The following PDE10A variants were observed in gnomAD, a reference collection of about 807,000 sequenced individuals.
PDE10A encodes the protein cAMP and cAMP-inhibited cGMP 3',5'-cyclic phosphodiesterase 10A.
A neutral mutation model predicts 97.7 loss-of-function variants in PDE10A; 39 were observed. The observed-to-expected ratio is 0.40, with a 90% confidence interval of 0.31 to 0.52. The LOEUF (loss-of-function observed/expected upper bound fraction) is 0.52, where lower values mean the gene tolerates loss of function less well. Among genes scored for constraint, PDE10A ranks in the 20% least tolerant of loss-of-function variants. The probability of loss-of-function intolerance (pLI) is 0.56; values close to 1 mark genes in which losing one functional copy is unlikely to be tolerated. For missense variants in PDE10A, 731 were observed against 1,047.8 expected (o/e 0.70, Z 4.17); for synonymous variants, 371 against 376.8 (o/e 0.98, Z 0.18).
At chr6:165,493,382 A>T (rs1230695948) in intron 2 of PDE10A, among the ~76,000 whole-genome samples, 1 of 152,134 alleles carries the variant, frequency 6.6e-6, no homozygotes, top group African/African-American at 2.4e-5. Context: ...TAGCCAAAGA[A>T]AGGCTAAGCA....
chr6:165,958,694 G>GAGAA (rs5881669), intron 1 of PDE10A, among the ~76,000 whole-genome samples: 27,276 of 77,734 alleles, frequency 0.35, 2,013 homozygotes, highest in East Asian at 0.39. Flanking sequence ...AAGAAAGAAA[G>GAGAA]AGAAAGAAAG....
chr6:165,652,763 T>C (rs943681577), intron 1 of PDE10A, among the ~76,000 whole-genome samples: 3 of 152,224 alleles, frequency 2.0e-5, no homozygotes, highest in African/African-American at 7.2e-5. Flanking sequence ...TACGCTTGTA[T>C]TTTTGTAAAT....
intron 1 of PDE10A, among the ~76,000 whole-genome samples, chr6:165,877,042 T>C (rs947717712): frequency 6.6e-6 from 1 of 152,210 alleles, no homozygotes; most frequent in East Asian, 1.9e-4. Flanking sequence ...TAACCTGGAT[T>C]CTGTAGCAAG....
At chr6:165,825,541 G>A (rs1033066731) in intron 1 of PDE10A, among the ~76,000 whole-genome samples, 5 of 152,168 alleles carry the variant, frequency 3.3e-5, no homozygotes, top group African/African-American at 1.2e-4. Context: ...CCCTTGTGCT[G>A]AGTCTACAAA....
intron 1 of PDE10A, among the ~76,000 whole-genome samples, chr6:165,778,514 C>A (rs770472958): frequency 6.6e-5 from 10 of 152,182 alleles, no homozygotes; most frequent in Non-Finnish European, 1.3e-4. Context: ...CTCTGGACTT[C>A]CCCGAGCACA....
intron 1 of PDE10A, among the ~76,000 whole-genome samples, chr6:165,761,415 T>C (rs1480027338): frequency 6.6e-6 from 1 of 151,924 alleles, no homozygotes; most frequent in Non-Finnish European, 1.5e-5. Context: ...CTTTCTTTCC[T>C]TCCTGAACAT....
At chr6:165,364,940 G>A (rs184403321) in intron 18 of PDE10A, among the ~76,000 whole-genome samples, 2 of 152,042 alleles carry the variant, frequency 1.3e-5, no homozygotes, top group East Asian at 3.9e-4. Flanking sequence ...AAACTTGCAA[G>A]GTATAGTTCA....
chr6:165,965,540 T>G (rs1295275519), intron 1 of PDE10A, among the ~76,000 whole-genome samples: 1 of 152,168 alleles, frequency 6.6e-6, no homozygotes, highest in Non-Finnish European at 1.5e-5. Context: ...TTCCTGGGAT[T>G]TGATACCCTA....
At chr6:165,349,335 G>T (rs1375917053) in intron 18 of PDE10A, among the ~76,000 whole-genome samples, 1 of 152,176 alleles carries the variant, frequency 6.6e-6, no homozygotes, top group African/African-American at 2.4e-5. Context: ...TGTAGATGAG[G>T]AACTTGTTGG....
Position 165,343,384 on chromosome 6 carries a change from G to C in PDE10A, c.2895+7C>G. Reference sequence around the variant, plus strand: ...TATCTATGTCAATATAAGAATCAAGGACATACCTCAGCCCAGAATTCTGCA... The same window carrying C: ...TATCTATGTCAATATAAGAATCAAGCACATACCTCAGCCCAGAATTCTGCA... On this transcript the variant is annotated splice_region_variant and intron_variant, in intron 19 of 21. Coordinates refer to ENST00000539869, the MANE Select transcript of PDE10A (RefSeq NM_001385079.1). 5 of 1,574,204 alleles carry C rather than the reference G, an allele frequency of 3.2e-6. No homozygotes were observed. The highest frequency in any genetic ancestry group is 4.4e-6 in the Non-Finnish European group (5 of 1,143,842).
intron 1 of PDE10A, among the ~76,000 whole-genome samples, chr6:165,772,917 C>T (rs1778054865): frequency 6.6e-6 from 1 of 152,214 alleles, no homozygotes; most frequent in Non-Finnish European, 1.5e-5. Flanking sequence ...TCGTAGAAAT[C>T]AGTTACCAGT....
intron 1 of PDE10A, among the ~76,000 whole-genome samples, chr6:165,883,463 A>G (rs1259468442): frequency 6.6e-6 from 1 of 150,896 alleles, no homozygotes; most frequent in Non-Finnish European, 1.5e-5. Context: ...ACTCGCTTGA[A>G]CCCAGATGGT....
intron 12 of PDE10A, among the ~76,000 whole-genome samples, chr6:165,415,173 A>T (rs928227534): frequency 5.3e-5 from 8 of 152,218 alleles, no homozygotes; most frequent in African/African-American, 1.9e-4. Flanking sequence ...GGACATAAGG[A>T]TGAGCAAATA....
At chr6:165,395,633 T>C (rs948023315) in intron 14 of PDE10A, among the ~76,000 whole-genome samples, 1 of 152,180 alleles carries the variant, frequency 6.6e-6, no homozygotes, top group African/African-American at 2.4e-5. Flanking sequence ...GTTGAAACTG[T>C]TCTATCTCCT....
chr6:165,388,202 A>G lies in PDE10A; in HGVS notation c.2610+96T>C. ...CAATAAAAAGTAGCTGTTGCTTTTA[A>G]GGAAGCCATAATGATCTTCCTTTTC... On this transcript the variant is annotated intron_variant, in intron 17 of 21. Transcript: ENST00000539869. The surrounding 1 kb of genome is among the most constrained non-coding windows in gnomAD (Gnocchi z 4.0). 1 of 1,069,674 alleles carries G rather than the reference A, an allele frequency of 9.3e-7. No individual in the cohort carries two copies. Among genetic ancestry groups the G allele is most frequent in the Non-Finnish European group, 1.4e-6 (1 of 723,128 alleles). 66.3% of individuals were successfully genotyped at this position (1,069,674 alleles called of 1,614,324 possible).
At chr6:165,959,204 G>A (rs1461466204) in intron 1 of PDE10A, among the ~76,000 whole-genome samples, 2 of 152,166 alleles carry the variant, frequency 1.3e-5, no homozygotes, top group South Asian at 4.2e-4. Context: ...GGAAGCCAAG[G>A]TGAGGCCATT....
chr6:165,593,449 G>GA (rs895845768), intron 1 of PDE10A, among the ~76,000 whole-genome samples: 1 of 150,730 alleles, frequency 6.6e-6, no homozygotes, highest in African/African-American at 2.4e-5. Flanking sequence ...AGTATAATGG[G>GA]AAAAAAAAAG....
intron 1 of PDE10A, among the ~76,000 whole-genome samples, chr6:165,642,294 T>C (rs1005042056): frequency 3.9e-5 from 6 of 152,124 alleles, no homozygotes; most frequent in African/African-American, 2.4e-5. Flanking sequence ...CGTGCATATG[T>C]GTCTAGCATG....
intron 1 of PDE10A, among the ~76,000 whole-genome samples, chr6:165,863,331 A>G (rs919677780): frequency 3.3e-5 from 5 of 152,202 alleles, no homozygotes; most frequent in Admixed American, 3.3e-4. Context: ...CTCATTTATT[A>G]TTCTGTGAGC....
Sources: gnomAD v4.1 joint callset for allele counts (sites outside exome capture counted in the v4.1 genomes callset) on GRCh38, gnomAD v4.1.1 for gene constraint, Gnocchi (gnomAD v3.1) non-coding constraint, MANE v1.5 for transcripts, NCBI Gene and HGNC (gene_info 2026-07-23, HGNC 2026-07-21) for gene names.